The following TCERG1 variants were observed in gnomAD, a reference collection of about 807,000 sequenced individuals.
TCERG1 encodes transcription elongation regulator 1, also known as TATA box binding protein (TBP)-associated factor, RNA polymerase II, S, 150kD.
TCERG1 carries 37 observed loss-of-function variants against 144.7 expected under a neutral mutation model. That is an observed-to-expected ratio of 0.26 (90% CI 0.20 to 0.34). TCERG1 has a LOEUF of 0.34. Among genes scored for constraint, TCERG1 ranks in the 10% least tolerant of loss-of-function variants. The pLI, the probability that TCERG1 is intolerant of heterozygous loss-of-function variation, is 1.00. For missense variants in TCERG1, 1,027 were observed against 1,380.7 expected, an observed-to-expected ratio of 0.74 and a Z score of 4.06; for synonymous variants, 492 against 458.2, an observed-to-expected ratio of 1.07 and a Z score of -0.94.
In TCERG1 at chr5:146,511,776, T is replaced by C. The variant is rs1038464949; in HGVS notation, c.*1134T>C. The C allele has an allele frequency of 4.6e-5, 7 of 152,192 alleles. No individual in the cohort carries two copies. The highest frequency in any genetic ancestry group is 1.4e-4 in the African/African-American group (6 of 41,438). The allele number at this position is 152,192 out of a possible 1,614,324, so 9.4% of individuals were successfully genotyped here. ...TGGGGTTTTTTTTGTTTTTGTCCTT[T>C]GTATTAATGTATGATGGTTTGCGCC... On this transcript the variant is annotated 3_prime_UTR_variant, in exon 23 of 23. Coordinates refer to ENST00000679501, the MANE Select transcript of TCERG1 (RefSeq NM_001382548.1).
chr5:146,448,275 T>C (rs1386201586), intron 1 of TCERG1, among the ~76,000 whole-genome samples: 1 of 152,202 alleles, frequency 6.6e-6, no homozygotes, highest in Non-Finnish European at 1.5e-5. Context: ...GCAATCCCAA[T>C]TGGCGTTCTA....
chr5:146,494,610 A>G, intron 16 of TCERG1, among the ~76,000 whole-genome samples: 1 of 152,148 alleles, frequency 6.6e-6, no homozygotes, highest in East Asian at 1.9e-4. Context: ...AATTAAGACC[A>G]TTTTTAGTTC....
intron 13 of TCERG1, chr5:146,482,356 T>G: frequency 3.2e-6 from 1 of 308,932 alleles, no homozygotes; most frequent in South Asian, 7.4e-5. Context: ...CCATTAAAGG[T>G]GTATTTTTTT....
chr5:146,462,794 A>G (rs1763451486), intron 4 of TCERG1, among the ~76,000 whole-genome samples: 1 of 152,196 alleles, frequency 6.6e-6, no homozygotes, highest in Non-Finnish European at 1.5e-5. Flanking sequence ...TCTTCCATAC[A>G]GGAACCTTTA....
rs1030534510 is a variant in TCERG1, at chr5:146,477,391, G to A, written c.1602-1102G>A. On this transcript the variant is annotated intron_variant, in intron 9 of 22. Coordinates refer to ENST00000679501, the MANE Select transcript of TCERG1 (RefSeq NM_001382548.1). ...ATCAGGTCATATAGACTTAGTTTCT[G>A]TTGGGGTTTTAGCTGCCATGCTACT... Among the ~76,000 whole-genome samples the A allele has an allele frequency of 3.3e-5, 5 of 152,228 alleles. No homozygotes were observed. The Middle Eastern group carries it at 0.01, about 311-fold the overall frequency.
chr5:146,508,945 A>C (rs902807581), intron 21 of TCERG1, among the ~76,000 whole-genome samples, 200 bp from the exon 22 acceptor site: 1 of 152,144 alleles, frequency 6.6e-6, no homozygotes, highest in Non-Finnish European at 1.5e-5. Flanking sequence ...CATTCTTTCT[A>C]TTTGCCGCAA....
intron 9 of TCERG1, among the ~76,000 whole-genome samples, chr5:146,473,493 C>A (rs2150428661): frequency 6.6e-6 from 1 of 152,302 alleles, no homozygotes; most frequent in Non-Finnish European, 1.5e-5. Context: ...TTACACTAAA[C>A]AAGAGATTTT....
At chr5:146,488,326 A>G (rs1406788096) in intron 15 of TCERG1, among the ~76,000 whole-genome samples, 1 of 152,176 alleles carries the variant, frequency 6.6e-6, no homozygotes, top group African/African-American at 2.4e-5. Context: ...AATATTTGCT[A>G]ACTACTTATT....
chr5:146,507,296 A>G lies in TCERG1; in HGVS notation c.2961+89A>G, dbSNP rs1768094119. The G allele has an allele frequency of 3.1e-6, 4 of 1,276,680 alleles. No homozygotes were observed. Among genetic ancestry groups the G allele is most frequent in the Non-Finnish European group, 4.3e-6 (4 of 938,708 alleles). The allele number at this position is 1,276,680 out of a possible 1,614,324, so 79.1% of individuals were successfully genotyped here. A position where few individuals can be genotyped will look rare whatever the true frequency, so the allele number is the denominator to read the frequency against. Reference sequence around the variant, plus strand: ...AAGCATTGATATGATTTTTAGTGTCATGGTCTTTAGATTCATTACTGGAAT... The same window carrying G: ...AAGCATTGATATGATTTTTAGTGTCGTGGTCTTTAGATTCATTACTGGAAT... On this transcript the variant is annotated intron_variant, in intron 20 of 22. Coordinates refer to ENST00000679501, the MANE Select transcript of TCERG1 (RefSeq NM_001382548.1). The surrounding 1 kb of genome is among the most constrained non-coding windows in gnomAD (Gnocchi z 4.6).
chr5:146,486,412 A>T (rs1765834942), intron 15 of TCERG1, among the ~76,000 whole-genome samples: 1 of 152,180 alleles, frequency 6.6e-6, no homozygotes, highest in Admixed American at 6.5e-5. Context: ...TTTTTGTTTT[A>T]TTTGTTATGA....
chr5:146,471,472 A>G lies in TCERG1; in HGVS notation c.1513-16A>G. The stretch of plus-strand genomic sequence containing the variant: ...TGTTAATGTGATACTAATTAGAGTA[A>G]TATCATTTCTTGTAGGAGCCCAAAG... On this transcript the variant is annotated splice_polypyrimidine_tract_variant and intron_variant, in intron 8 of 22. Transcript: ENST00000679501. 6.2e-7 allele frequency: 1 copy of G among 1,606,142 alleles called. No individual in the cohort carries two copies. The highest frequency in any genetic ancestry group is 1.1e-5 in the South Asian group (1 of 89,816).
intron 19 of TCERG1, chr5:146,505,693 G>T (rs2150906935): frequency 1.4e-5 from 2 of 147,546 alleles, no homozygotes; most frequent in South Asian, 4.4e-4. Flanking sequence ...CTGTTCCTTA[G>T]ACCACCCTTG....
At position 146,447,468 on chromosome 5, in the gene TCERG1, A is replaced by ATGT; in HGVS notation, c.59+60_59+61insTGT. ...ACGAGAGCCCCAGAGGCTAGACGCTAGACCTGCCATGTGGAGATCCGGGGC... is the reference window on the plus strand; with the variant it reads ...ACGAGAGCCCCAGAGGCTAGACGCTATGTGACCTGCCATGTGGAGATCCGGGGC... On this transcript the variant is annotated intron_variant, in intron 1 of 22. Transcript: ENST00000679501. 1.9e-6 allele frequency: 3 copies of ATGT among 1,571,182 alleles called. No homozygotes were observed. In the South Asian group the frequency reaches 3.5e-5, roughly 18 times the overall value.
intron 15 of TCERG1, among the ~76,000 whole-genome samples, chr5:146,485,194 T>G (rs1307612023): frequency 6.6e-6 from 1 of 152,228 alleles, no homozygotes; most frequent in Non-Finnish European, 1.5e-5. Context: ...TTGCTATTCC[T>G]TCTGCCTGGA....
At chr5:146,479,982 CAGA>C in intron 11 of TCERG1, 43 bp from the exon 12 acceptor site, 2 of 1,593,986 alleles carry the variant, frequency 1.3e-6, no homozygotes, top group Non-Finnish European at 1.7e-6. Context: ...TAGTGATTAG[CAGA>C]AGGATTCATT....
intron 16 of TCERG1, among the ~76,000 whole-genome samples, chr5:146,495,969 A>C (rs1766859075): frequency 6.6e-6 from 1 of 152,138 alleles, no homozygotes; most frequent in African/African-American, 2.4e-5. Context: ...CCTGGCCAGT[A>C]TGGTGAAACT....
At position 146,458,872 on chromosome 5, in the gene TCERG1, C is replaced by T. The variant is rs780176701; in HGVS notation, c.439-12C>T. On this transcript the variant is annotated splice_polypyrimidine_tract_variant and intron_variant, in intron 3 of 22. Transcript: ENST00000679501. ...GATTTTATGATACCATTGATTTTTG[C>T]TTCCGCTGCAGGTTTATTATTATAA... The T allele has an allele frequency of 1.9e-6, 3 of 1,579,214 alleles. No individual in the cohort carries two copies. The highest frequency in any genetic ancestry group is 2.3e-5 in the South Asian group (2 of 86,416).
At chr5:146,448,166 A>C (rs1762058307) in intron 1 of TCERG1, among the ~76,000 whole-genome samples, 1 of 152,200 alleles carries the variant, frequency 6.6e-6, no homozygotes, top group Admixed American at 6.5e-5. Flanking sequence ...CAGGTGAGAT[A>C]ACAGCCTCGT....
At chr5:146,474,174 G>A (rs1181501952) in intron 9 of TCERG1, among the ~76,000 whole-genome samples, 2 of 152,144 alleles carry the variant, frequency 1.3e-5, no homozygotes, top group African/African-American at 4.8e-5. Flanking sequence ...ATGGGAGGAG[G>A]TCCAGATATT....
Sources: allele counts gnomAD v4.1 joint callset (sites outside exome capture counted in the v4.1 genomes callset), GRCh38; gene constraint gnomAD v4.1.1; non-coding constraint Gnocchi (gnomAD v3.1); transcripts MANE v1.5; gene names NCBI Gene and HGNC (gene_info 2026-07-23, HGNC 2026-07-21).